The following DCPS variants were observed in gnomAD, a reference collection of about 807,000 sequenced individuals.
DCPS encodes the protein decapping enzyme, scavenger.
A neutral mutation model predicts 34.7 loss-of-function variants in DCPS; 27 were observed. That is an observed-to-expected ratio of 0.78 (90% CI 0.57 to 1.07). The LOEUF is 1.07. DCPS is among the 50% of genes least tolerant of loss of function. DCPS has a pLI of 0.00. For synonymous variants in DCPS, 185 were observed against 185.7 expected, an observed-to-expected ratio of 1.00 and a Z score of 0.03; for missense variants, 464 against 436.9, an observed-to-expected ratio of 1.06 and a Z score of -0.55.
At chr11:126,324,847 C>A (rs529564528) in intron 2 of DCPS, among the ~76,000 whole-genome samples, 4 of 151,940 alleles carry the variant, frequency 2.6e-5, no homozygotes, top group Non-Finnish European at 5.9e-5. Flanking sequence ...GAATTAGTGA[C>A]ATGTTTATAG....
chr11:126,304,386 T>C (rs1258622366), intron 1 of DCPS, 105 bp downstream of exon 1: 15 of 1,324,650 alleles, frequency 1.1e-5, no homozygotes, highest in Non-Finnish European at 1.3e-5. Context: ...ATACCAATCA[T>C]TATCACTCCG....
rs780490676 is a variant in DCPS at position 126,337,404 on chromosome 11, GC to G, written c.523-880del. 1.3e-5 allele frequency: 2 copies of G among 152,496 alleles called. No homozygotes were observed. The highest frequency in any genetic ancestry group is 2.9e-5 in the Non-Finnish European group (2 of 68,302). The allele number at this position is 152,496 out of a possible 1,614,324, so 9.4% of individuals were successfully genotyped here. On this transcript the variant is annotated intron_variant, in intron 3 of 5. Coordinates refer to ENST00000263579, the MANE Select transcript of DCPS (RefSeq NM_014026.6). The surrounding 1 kb of genome is among the most constrained non-coding windows in gnomAD (Gnocchi z 5.3). ...AGAGCTGGGGGTACTGGGGTTTGAG[GC>G]CTGTGAGCTCAGGGGCCTTCTCAGC...
chr11:126,345,209 A>C lies in DCPS; in HGVS notation c.748-138A>C. 27 of 1,144,466 alleles carry C rather than the reference A, an allele frequency of 2.4e-5. No individual in the cohort carries two copies. Among genetic ancestry groups the C allele is most frequent in the Non-Finnish European group, 2.7e-5 (22 of 812,898 alleles). 70.9% of individuals were successfully genotyped at this position (1,144,466 alleles called of 1,614,324 possible). On this transcript the variant is annotated intron_variant, in intron 5 of 5. Transcript: ENST00000263579. This position sits in a 1 kb window ranked among gnomAD's most constrained non-coding sequence, Gnocchi z 7.4. ...GAGGAAGCTGAAGCAGACAGCAGGT[A>C]GAGAGCTGTTTGGAGGGTTTTTGTG...
chr11:126,346,848 C>T lies in DCPS; in HGVS notation c.*1235C>T, dbSNP rs1175915573. Among the ~76,000 whole-genome samples the T allele has an allele frequency of 6.6e-6, 1 of 152,180 alleles. No individual in the cohort carries two copies. The highest frequency in any genetic ancestry group is 1.5e-5 in the Non-Finnish European group (1 of 68,030). On this transcript the variant is annotated 3_prime_UTR_variant, in exon 6 of 6. Transcript: ENST00000263579. This position sits in a 1 kb window ranked among gnomAD's most constrained non-coding sequence, Gnocchi z 4.1. ...CCAACCTGCTTCAGGGTCTCAGGGC[C>T]TGCTGTGGACCCCCATGGTCCTGGG...
Position 126,306,705 on chromosome 11 carries a change from T to C in DCPS, c.337T>C (p.Tyr113His), listed in dbSNP as rs1951571361. 6.2e-7 allele frequency: 1 copy of C among 1,608,576 alleles called. No homozygotes were observed. The highest frequency in any genetic ancestry group is 8.5e-7 in the Non-Finnish European group (1 of 1,175,352). Residue 113 changes from tyrosine to histidine, a missense_variant, in exon 2 of 6, where the codon TAC (tyrosine) becomes CAC (histidine). Coordinates refer to ENST00000263579, the MANE Select transcript of DCPS (RefSeq NM_014026.6). ...ELQLQFSNDI[Y>H]STYHLFPPRQ... Reference sequence around the variant, plus strand: ...CCAGTTGCAGTTCTCCAATGATATCTACAGCACCTATCACTTGTTCCCTCC... The same window carrying C: ...CCAGTTGCAGTTCTCCAATGATATCCACAGCACCTATCACTTGTTCCCTCC...
In DCPS at chr11:126,338,365, T is replaced by C. The variant is rs893269495; in HGVS notation, c.602T>C (p.Val201Ala). The stretch of plus-strand genomic sequence containing the variant: ...AACCCAGATCCCTCTGATGGTTTTG[T>C]CCTCATCCCTGACCTCAAGTGGAAC... ...FENPDPSDGF[V>A]LIPDLKWNQQ... The change falls in exon 4 of 6, where the codon GTC (valine) becomes GCC (alanine). Residue 201 changes from valine (V) to alanine (A), a missense_variant. Transcript: ENST00000263579. The surrounding 1 kb of genome is among the most constrained non-coding windows in gnomAD (Gnocchi z 5.4). 1.9e-6 allele frequency: 3 copies of C among 1,614,078 alleles called. No individual in the cohort carries two copies. The highest frequency in any genetic ancestry group is 2.5e-6 in the Non-Finnish European group (3 of 1,180,036).
intron 2 of DCPS, among the ~76,000 whole-genome samples, chr11:126,321,908 T>C (rs1055125179): frequency 7.9e-5 from 12 of 151,968 alleles, no homozygotes; most frequent in African/African-American, 2.7e-4. Flanking sequence ...GAAAACTTCC[T>C]TAAAAGTTGA....
Position 126,342,222 on chromosome 11 carries a change from A to C in DCPS, c.637-1085A>C, listed in dbSNP as rs1423877412. On this transcript the variant is annotated intron_variant, in intron 4 of 5. Coordinates refer to ENST00000263579, the MANE Select transcript of DCPS (RefSeq NM_014026.6). This position sits in a 1 kb window ranked among gnomAD's most constrained non-coding sequence, Gnocchi z 4.4. ...GTTTTCTCAGCAAGAGGAAGAGTTC[A>C]TTTGCTCTCTGGCACAAGATCTTGA... 6.6e-6 allele frequency: 1 copy of C among 152,216 alleles called. No homozygotes were observed. The highest frequency in any genetic ancestry group is 1.5e-5 in the Non-Finnish European group (1 of 68,054). 9.4% of individuals were successfully genotyped at this position (152,216 alleles called of 1,614,324 possible). A position where few individuals can be genotyped will look rare whatever the true frequency, so the allele number is the denominator to read the frequency against.
chr11:126,345,514 G>A lies in DCPS; in HGVS notation c.915G>A (p.Leu305=). Residue 305 remains leucine, a synonymous_variant, in exon 6 of 6, where the codon TTG becomes TTA. Transcript: ENST00000263579. The surrounding 1 kb of genome is among the most constrained non-coding windows in gnomAD (Gnocchi z 7.4). ...AHLLAEVIEN[L]ECDPRHYQQR... is the part of the protein sequence containing the mutation. ...TGCTGGCTGAGGTGATCGAGAACTT[G>A]GAGTGTGACCCTAGGCACTACCAGC... 3 of 1,614,088 alleles carry A rather than the reference G, an allele frequency of 1.9e-6. No homozygotes were observed. The East Asian group carries it at 6.7e-5, about 36-fold the overall frequency.
rs1355845545 is a variant in DCPS at position 126,329,949 on chromosome 11, G to A, written c.377-1456G>A. Among the ~76,000 whole-genome samples, 1 of 152,038 alleles carries A rather than the reference G, an allele frequency of 6.6e-6. No individual in the cohort carries two copies. The highest frequency in any genetic ancestry group is 6.6e-5 in the Admixed American group (1 of 15,258). On this transcript the variant is annotated intron_variant, in intron 2 of 5. Transcript: ENST00000263579. The surrounding 1 kb of genome is among the most constrained non-coding windows in gnomAD (Gnocchi z 5.0). ...ATTAAGAAAGTCAGAGGGAACCATG[G>A]GTCTTTTGAGAAAGATCCAAGCTGA... is the stretch of plus-strand genomic sequence containing the variant.
chr11:126,316,391 G>A (rs1412206732), intron 2 of DCPS, among the ~76,000 whole-genome samples: 1 of 151,148 alleles, frequency 6.6e-6, no homozygotes, highest in African/African-American at 2.4e-5. Context: ...TAAGGCCCAA[G>A]ACAGTTCTTC....
At chr11:126,324,860 A>G (rs1227187640) in intron 2 of DCPS, among the ~76,000 whole-genome samples, 2 of 151,976 alleles carry the variant, frequency 1.3e-5, no homozygotes, top group African/African-American at 2.4e-5. Context: ...GTTTATAGAA[A>G]ATTAAACAAG....
Position 126,328,552 on chromosome 11 carries a change from C to G in DCPS, c.377-2853C>G, listed in dbSNP as rs1951757442. ...GGTGAGACGCCAGTTTCCCTGCACC[C>G]TGGGTGGCTGGGGCAGGTCTCCCAC... On this transcript the variant is annotated intron_variant, in intron 2 of 5. Coordinates refer to ENST00000263579, the MANE Select transcript of DCPS (RefSeq NM_014026.6). This position sits in a 1 kb window ranked among gnomAD's most constrained non-coding sequence, Gnocchi z 6.6. Among the ~76,000 whole-genome samples, 1 of 152,152 alleles carries G rather than the reference C, an allele frequency of 6.6e-6. No homozygotes were observed. The highest frequency in any genetic ancestry group is 1.5e-5 in the Non-Finnish European group (1 of 68,014).
Position 126,325,495 on chromosome 11 carries a change from A to G in DCPS, c.377-5910A>G, listed in dbSNP as rs1181782051. 1.3e-5 allele frequency among the ~76,000 whole-genome samples: 2 copies of G among 152,212 alleles called. No homozygotes were observed. Among genetic ancestry groups the G allele is most frequent in the Non-Finnish European group, 2.9e-5 (2 of 68,040 alleles). ...AAGTCAGTAAGTAATAGTAGAAGTT[A>G]AAAGTCAAGTAGGAACAAGATATAA... On this transcript the variant is annotated intron_variant, in intron 2 of 5. Coordinates refer to ENST00000263579, the MANE Select transcript of DCPS (RefSeq NM_014026.6). This position sits in a 1 kb window ranked among gnomAD's most constrained non-coding sequence, Gnocchi z 4.3.
chr11:126,326,784 G>A (rs1045423048), intron 2 of DCPS, among the ~76,000 whole-genome samples: 2 of 152,116 alleles, frequency 1.3e-5, no homozygotes, highest in Non-Finnish European at 2.9e-5. Context: ...TTAGCCAGGC[G>A]TGGTGGCAGG....
At position 126,306,664 on chromosome 11, in the gene DCPS, C is replaced by G; in HGVS notation, c.296C>G (p.Thr99Arg). The change falls in exon 2 of 6, where the codon ACG (threonine) becomes AGG (arginine). Residue 99 changes from threonine (T) to arginine (R), a missense_variant. Coordinates refer to ENST00000263579, the MANE Select transcript of DCPS (RefSeq NM_014026.6). Reference sequence around the variant, plus strand: ...GTGGAACAGGTGGCTCAGCTCCTGACGGGCAGCCCTGAGCTCCAGTTGCAG... The same window carrying G: ...GTGGAACAGGTGGCTCAGCTCCTGAGGGGCAGCCCTGAGCTCCAGTTGCAG... Reference protein sequence around the residue: ...FQVEQVAQLLTGSPELQLQFS... With the variant: ...FQVEQVAQLLRGSPELQLQFS... 6.2e-7 allele frequency: 1 copy of G among 1,613,908 alleles called. No individual in the cohort carries two copies. The highest frequency in any genetic ancestry group is 8.5e-7 in the Non-Finnish European group (1 of 1,179,876).
In DCPS at chr11:126,335,978, A is replaced by C. The variant is rs1235960556; in HGVS notation, c.523-2308A>C. ...TGTCTCTACTAAAAATATAAAAATT[A>C]GTCGGGTGTGGTGGTGGGCACCTAT... On this transcript the variant is annotated intron_variant, in intron 3 of 5. Transcript: ENST00000263579. The surrounding 1 kb of genome is among the most constrained non-coding windows in gnomAD (Gnocchi z 4.8). Among the ~76,000 whole-genome samples the C allele has an allele frequency of 6.6e-6, 1 of 151,916 alleles. No homozygotes were observed. Among genetic ancestry groups the C allele is most frequent in the African/African-American group, 2.4e-5 (1 of 41,338 alleles).
At position 126,332,809 on chromosome 11, in the gene DCPS, A is replaced by G. The variant is rs575488614; in HGVS notation, c.522+1259A>G. 8.5e-5 allele frequency among the ~76,000 whole-genome samples: 13 copies of G among 152,150 alleles called. No individual in the cohort carries two copies. Among genetic ancestry groups the G allele is most frequent in the Non-Finnish European group, 1.2e-4 (8 of 68,016 alleles). On this transcript the variant is annotated intron_variant, in intron 3 of 5. Transcript: ENST00000263579. The surrounding 1 kb of genome is among the most constrained non-coding windows in gnomAD (Gnocchi z 5.4). ...TTTGTTTGTTTGTTTTTAAAGTCCC[A>G]GCACTTGTTCTGTTTTCCAAGTGAA... is the stretch of plus-strand genomic sequence containing the variant.
At chr11:126,340,164 T>C (rs1416971141) in intron 4 of DCPS, among the ~76,000 whole-genome samples, 1 of 152,174 alleles carries the variant, frequency 6.6e-6, no homozygotes, top group Non-Finnish European at 1.5e-5. Flanking sequence ...ACCTCCCTTT[T>C]TCTGTCCCCT....
Sources: allele counts gnomAD v4.1 joint callset (sites outside exome capture counted in the v4.1 genomes callset), GRCh38; gene constraint gnomAD v4.1.1; non-coding constraint Gnocchi (gnomAD v3.1); transcripts MANE v1.5; gene names NCBI Gene and HGNC (gene_info 2026-07-23, HGNC 2026-07-21).